CCDC149: variants seen among roughly 807,000 people sequenced by gnomAD.
The protein encoded by CCDC149 is coiled-coil domain-containing protein 149.
Under a neutral mutation model 59.9 loss-of-function variants are expected in CCDC149, and 45 were observed. That is an observed-to-expected ratio of 0.75 (90% CI 0.59 to 0.96). The LOEUF (loss-of-function observed/expected upper bound fraction) is 0.96, where lower values mean the gene tolerates loss of function less well. Ranked by LOEUF, CCDC149 falls within the 40% of genes least tolerant of loss-of-function variation. CCDC149 has a pLI of 0.00. For missense variants in CCDC149, 584 were observed against 664.7 expected (o/e 0.88, Z 1.33); for synonymous variants, 245 against 260.6 (o/e 0.94, Z 0.58).
chr4:24,868,970 G>C (rs937174757), intron 3 of CCDC149, among the ~76,000 whole-genome samples: 7 of 152,196 alleles, frequency 4.6e-5, no homozygotes, highest in African/African-American at 1.4e-4. Context: ...ACCGCACACG[G>C]CTATGTGAGA....
rs1717765373 is a variant in CCDC149 at position 24,853,074 on chromosome 4, T to C, written c.370A>G (p.Lys124Glu). Residue 124 changes from lysine to glutamate, a missense_variant and splice_region_variant, in exon 4 of 13, where the codon AAG (lysine) becomes GAG (glutamate). Transcript: ENST00000635206. The stretch of plus-strand genomic sequence containing the variant: ...TTCCCTGTAAATACTCACAGTACCT[T>C]GTTGTCGCCCTGGACTTCTCCAAGC... The C allele has an allele frequency of 4.4e-6, 7 of 1,600,694 alleles. No homozygotes were observed. The highest frequency in any genetic ancestry group is 1.3e-5 in the African/African-American group (1 of 74,672).
chr4:24,814,528 G>A (rs1489070338), intron 12 of CCDC149, among the ~76,000 whole-genome samples: 1 of 152,210 alleles, frequency 6.6e-6, no homozygotes, highest in African/African-American at 2.4e-5. Context: ...TCATGGACCA[G>A]CAGTGGCAGC....
At position 24,837,213 on chromosome 4, in the gene CCDC149, G is replaced by A; in HGVS notation, c.662+15C>T. 1.2e-6 allele frequency: 2 copies of A among 1,613,484 alleles called. No individual in the cohort carries two copies. The highest frequency in any genetic ancestry group is 8.5e-7 in the Non-Finnish European group (1 of 1,179,598). ...AGCCTTCCTCCCACGCACAGGCCTG[G>A]GCCTGGCCACTTGCCTGTTCTCCAT... On this transcript the variant is annotated intron_variant, in intron 6 of 12. Transcript: ENST00000635206. The surrounding 1 kb of genome is among the most constrained non-coding windows in gnomAD (Gnocchi z 4.3).
At chr4:24,887,727 C>A (rs781694701) in intron 1 of CCDC149, among the ~76,000 whole-genome samples, 2 of 152,064 alleles carry the variant, frequency 1.3e-5, no homozygotes, top group Non-Finnish European at 2.9e-5. Flanking sequence ...ACCATCACAG[C>A]AGCCTTCTGG....
chr4:24,882,378 TAA>T (rs1210468157), intron 1 of CCDC149, among the ~76,000 whole-genome samples: 9 of 152,214 alleles, frequency 5.9e-5, no homozygotes, highest in Non-Finnish European at 1.2e-4. Context: ...GAGTTTTCTG[TAA>T]GCTATAGTTG....
chr4:24,918,986 C>T (rs1722209851), intron 1 of CCDC149, among the ~76,000 whole-genome samples: 4 of 152,180 alleles, frequency 2.6e-5, no homozygotes, highest in Admixed American at 6.5e-5. Flanking sequence ...TAGACACTGT[C>T]AACAAGGGTG....
At chr4:24,944,348 A>C (rs80280052) in intron 1 of CCDC149, among the ~76,000 whole-genome samples, 12,945 of 150,936 alleles carry the variant, frequency 0.086, 612 homozygotes, top group African/African-American at 0.13. Context: ...GAATTGAACA[A>C]TGAGAACGCA....
chr4:24,939,628 A>C (rs1722894964), intron 1 of CCDC149, among the ~76,000 whole-genome samples: 1 of 152,194 alleles, frequency 6.6e-6, no homozygotes, highest in Non-Finnish European at 1.5e-5. Context: ...ACCAATGGCA[A>C]AGAAGTTAAA....
At chr4:24,940,418 C>G (rs1266480082) in intron 1 of CCDC149, among the ~76,000 whole-genome samples, 1 of 152,190 alleles carries the variant, frequency 6.6e-6, no homozygotes, top group African/African-American at 2.4e-5. Context: ...AAAGGAACAA[C>G]TGGTACCAGC....
exon 1 of CCDC149, chr4:24,980,137 G>A (rs990731587): frequency 1.3e-5 from 2 of 152,220 alleles, no homozygotes; most frequent in African/African-American, 4.8e-5. Context: ...GAAAATTTAA[G>A]CGTAGCATTT....
chr4:24,915,484 C>T (rs548922135), upstream of CCDC149, among the ~76,000 whole-genome samples: 8 of 152,236 alleles, frequency 5.3e-5, no homozygotes, highest in Admixed American at 1.3e-4. Context: ...AATCAATGAG[C>T]GTTGGGAGCC....
chr4:24,916,856 C>T (rs1361321716), upstream of CCDC149, among the ~76,000 whole-genome samples: 2 of 146,054 alleles, frequency 1.4e-5, no homozygotes, highest in East Asian at 4.2e-4. Flanking sequence ...TCTATATGAG[C>T]CAGGAGGGCC....
chr4:24,876,816 G>T, intron 1 of CCDC149, 119 bp from the exon 2 acceptor site: 1 of 982,602 alleles, frequency 1.0e-6, no homozygotes, highest in Non-Finnish European at 1.5e-6. Flanking sequence ...TAGAGCTCAT[G>T]TGCCGAGAGA....
At chr4:24,852,837 A>G (rs1300188248) in intron 4 of CCDC149, among the ~76,000 whole-genome samples, 1 of 152,154 alleles carries the variant, frequency 6.6e-6, no homozygotes, top group Non-Finnish European at 1.5e-5. Flanking sequence ...AACTTCCACA[A>G]TGGGTTGTGG....
At chr4:24,834,459 A>G (rs1394162270) in intron 8 of CCDC149, among the ~76,000 whole-genome samples, 1 of 152,226 alleles carries the variant, frequency 6.6e-6, no homozygotes, top group Non-Finnish European at 1.5e-5. Context: ...TATGTGAGAA[A>G]ATGATTTCAG....
chr4:24,838,307 C>T (rs773942545), intron 4 of CCDC149, 35 bp from the exon 5 acceptor site: 1 of 1,502,852 alleles, frequency 6.7e-7, no homozygotes, highest in African/African-American at 1.4e-5. Flanking sequence ...GAAAAAGGCA[C>T]AGAGAATAAA....
At chr4:24,954,260 C>T (rs912781191) in intron 1 of CCDC149, among the ~76,000 whole-genome samples, 1 of 152,218 alleles carries the variant, frequency 6.6e-6, no homozygotes, top group African/African-American at 2.4e-5. Context: ...GGGTACAGCC[C>T]AGGCTTCATG....
chr4:24,868,891 G>A (rs1006603986), intron 3 of CCDC149, among the ~76,000 whole-genome samples: 1 of 152,154 alleles, frequency 6.6e-6, no homozygotes, highest in Non-Finnish European at 1.5e-5. Context: ...ACTTCCTTGG[G>A]TAGTTTCCTT....
Position 24,837,269 on chromosome 4 carries a change from C to T in CCDC149, c.621G>A (p.Glu207=). The T allele has an allele frequency of 6.2e-7, 1 of 1,614,222 alleles. No homozygotes were observed. The highest frequency in any genetic ancestry group is 8.5e-7 in the Non-Finnish European group (1 of 1,180,034). Residue 207 remains glutamate, a synonymous_variant, in exon 6 of 13, where the codon GAG becomes GAA. Transcript: ENST00000635206. The surrounding 1 kb of genome is among the most constrained non-coding windows in gnomAD (Gnocchi z 4.3). ...GGGCGTCCACGTCAATGATGCGGTT[C>T]TCGTGCCCACTCAGGATATGGTTCA...
Sources: gnomAD v4.1 joint callset for allele counts (sites outside exome capture counted in the v4.1 genomes callset) on GRCh38, gnomAD v4.1.1 for gene constraint, Gnocchi (gnomAD v3.1) non-coding constraint, MANE v1.5 for transcripts, NCBI Gene and HGNC (gene_info 2026-07-23, HGNC 2026-07-21) for gene names.